HPS4: variants seen among roughly 807,000 people sequenced by gnomAD.
HPS4 encodes HPS4 biogenesis of lysosomal organelles complex 3 subunit 2, also known as BLOC-3 complex member HPS4.
Under a neutral mutation model 70.3 loss-of-function variants are expected in HPS4, and 44 were observed. That is an observed-to-expected ratio of 0.63 (90% CI 0.49 to 0.80). The LOEUF is 0.80. Ranked by LOEUF, HPS4 falls within the 30% of genes least tolerant of loss-of-function variation. HPS4 has a pLI of 0.00. For missense variants in HPS4, 873 were observed against 884.4 expected (o/e 0.99, Z 0.16); for synonymous variants, 377 against 355.9 (o/e 1.06, Z -0.67).
chr22:26,471,198 G>A (rs939913802), intron 6 of HPS4: 1 of 387,474 alleles, frequency 2.6e-6, no homozygotes, highest in Non-Finnish European at 5.0e-6. Flanking sequence ...ATGGTACCAG[G>A]TGAAACCCAC....
downstream of HPS4, among the ~76,000 whole-genome samples, chr22:26,449,738 A>G (rs896586339): frequency 6.6e-6 from 1 of 152,112 alleles, no homozygotes; most frequent in Non-Finnish European, 1.5e-5. Flanking sequence ...CTACTGAGAG[A>G]GAGGGAACTG....
downstream of HPS4, among the ~76,000 whole-genome samples, chr22:26,448,018 G>A (rs981064068): frequency 3.9e-5 from 6 of 152,178 alleles, no homozygotes; most frequent in South Asian, 2.1e-4. Context: ...GGCTCAGAGC[G>A]GGCAGCTGAC....
In HPS4 at chr22:26,458,534, A is replaced by C. The variant is rs1601833666; in HGVS notation, c.1757T>G (p.Leu586Arg). Residue 586 changes from leucine (L) to arginine (R), a missense_variant, in exon 12 of 14, where the codon CTG becomes CGG. Physicochemically the swap from Leu to Arg is moderately radical, Grantham distance 102 (BLOSUM62 -2). Coordinates refer to ENST00000398145, the MANE Select transcript of HPS4 (RefSeq NM_022081.6). Reference sequence around the variant, plus strand: ...CTCATCCCTGGGCAGCGTCTCTTTCAGGTGGACTTCCAGCCCATTCAGTGA... The same window carrying C: ...CTCATCCCTGGGCAGCGTCTCTTTCCGGTGGACTTCCAGCCCATTCAGTGA... Reference protein sequence around the residue: ...LASLNGLEVHLKETLPRDEAA... With the variant: ...LASLNGLEVHRKETLPRDEAA... 6.2e-7 allele frequency: 1 copy of C among 1,614,124 alleles called. No homozygotes were observed. The highest frequency in any genetic ancestry group is 1.1e-5 in the South Asian group (1 of 91,078).
intron 13 of HPS4, 153 bp from the exon 14 acceptor site, chr22:26,453,557 G>A: frequency 2.5e-6 from 2 of 803,466 alleles, no homozygotes; most frequent in Non-Finnish European, 2.1e-6. Context: ...TTCTTCAGCT[G>A]AGTTTCAGGC....
intron 3 of HPS4, among the ~76,000 whole-genome samples, chr22:26,445,232 G>A (rs1320137903): frequency 6.6e-6 from 1 of 152,168 alleles, no homozygotes; most frequent in Non-Finnish European, 1.5e-5. Context: ...TATTTGAGAG[G>A]CTGAGGTGGG....
chr22:26,447,460 G>C (rs2084991623), downstream of HPS4, among the ~76,000 whole-genome samples: 1 of 152,120 alleles, frequency 6.6e-6, no homozygotes, highest in Non-Finnish European at 1.5e-5. Flanking sequence ...GCCACCAAAA[G>C]TCCTAATCCA....
chr22:26,478,676 TAC>T (rs2090918032), intron 3 of HPS4, among the ~76,000 whole-genome samples: 1 of 152,090 alleles, frequency 6.6e-6, no homozygotes, highest in African/African-American at 2.4e-5. Context: ...TATGTTTGAA[TAC>T]AAACTTATTT....
chr22:26,446,491 C>T (rs541158231), downstream of HPS4, among the ~76,000 whole-genome samples: 1 of 152,318 alleles, frequency 6.6e-6, no homozygotes, highest in Admixed American at 6.5e-5. Flanking sequence ...ACACACCCCA[C>T]TCCCAAAGCA....
chr22:26,449,322 C>A (rs992159840), downstream of HPS4, among the ~76,000 whole-genome samples: 3 of 132,710 alleles, frequency 2.3e-5, no homozygotes, highest in African/African-American at 6.0e-5. Context: ...CACTCCCCTG[C>A]ATTTTTTTTT....
At position 26,452,546 on chromosome 22, in the gene HPS4, C is replaced by T; in HGVS notation, c.*687G>A. Reference sequence around the variant, plus strand: ...TTGTCACTGAATTCTCAGGGCTCAGCCCCCAGAGCTTTTATAAAGGGATCT... The same window carrying T: ...TTGTCACTGAATTCTCAGGGCTCAGTCCCCAGAGCTTTTATAAAGGGATCT... On this transcript the variant is annotated 3_prime_UTR_variant, in exon 14 of 14. Transcript: ENST00000398145. 2.9e-6 allele frequency: 1 copy of T among 339,038 alleles called. No homozygotes were observed. Among genetic ancestry groups the T allele is most frequent in the East Asian group, 7.8e-5 (1 of 12,760 alleles). The allele number at this position is 339,038 out of a possible 1,614,324, so 21.0% of individuals were successfully genotyped here. A position where few individuals can be genotyped will look rare whatever the true frequency, so the allele number is the denominator to read the frequency against.
chr22:26,481,866 C>G lies in HPS4; in HGVS notation c.-104G>C, dbSNP rs1196669813. 1.7e-6 allele frequency: 2 copies of G among 1,154,646 alleles called. No homozygotes were observed. The highest frequency in any genetic ancestry group is 2.6e-6 in the Non-Finnish European group (2 of 764,596). 71.5% of individuals were successfully genotyped at this position (1,154,646 alleles called of 1,614,324 possible). A position where few individuals can be genotyped will look rare whatever the true frequency, so the allele number is the denominator to read the frequency against. ...TCCTCTATCCCCCAATCCAGTGAAT[C>G]TGGACGTGGTAGGTTTCAGTGTTTT... On this transcript the variant is annotated 5_prime_UTR_variant, in exon 2 of 14. Transcript: ENST00000398145.
intron 4 of HPS4, chr22:26,475,790 C>T (rs1164520600): frequency 1.3e-5 from 2 of 152,080 alleles, no homozygotes; most frequent in African/African-American, 4.8e-5. Context: ...GCCTGTAATC[C>T]CAGCACTTTG....
Position 26,458,586 on chromosome 22 carries a change from G to A in HPS4, c.1714-9C>T. On this transcript the variant is annotated splice_polypyrimidine_tract_variant and intron_variant, in intron 11 of 13. Transcript: ENST00000398145. ...GCCAGGCTGCTGTGGTACTGCAAAG[G>A]GGGAGAGGGTCATGGGCTTGTAGGG... 1 of 1,613,932 alleles carries A rather than the reference G, an allele frequency of 6.2e-7. No individual in the cohort carries two copies. Among genetic ancestry groups the A allele is most frequent in the Non-Finnish European group, 8.5e-7 (1 of 1,179,892 alleles).
intron 6 of HPS4, chr22:26,471,263 G>A (rs2089758272): frequency 2.3e-6 from 1 of 426,626 alleles, no homozygotes; most frequent in Admixed American, 2.6e-5. Context: ...GATACAGGTG[G>A]CTTGATGTCT....
chr22:26,480,653 A>C (rs2091188764), intron 2 of HPS4, among the ~76,000 whole-genome samples: 1 of 152,012 alleles, frequency 6.6e-6, no homozygotes, highest in African/African-American at 2.4e-5. Flanking sequence ...ACAGTGGCTC[A>C]CACCTATAAT....
At chr22:26,445,630 T>G (rs1456385898) in intron 3 of HPS4, among the ~76,000 whole-genome samples, 3 of 152,210 alleles carry the variant, frequency 2.0e-5, no homozygotes, top group African/African-American at 7.2e-5. Context: ...TCCCTTAGCC[T>G]CTCATAGCCT....
chr22:26,473,337 T>C (rs1404759407), intron 4 of HPS4, among the ~76,000 whole-genome samples: 1 of 152,188 alleles, frequency 6.6e-6, no homozygotes, highest in Non-Finnish European at 1.5e-5. Flanking sequence ...TTACAAACAA[T>C]GGACAGGACT....
intron 9 of HPS4, 77 bp from the exon 10 acceptor site, chr22:26,465,628 G>C (rs1011249580): frequency 1.1e-5 from 13 of 1,188,068 alleles, no homozygotes; most frequent in Non-Finnish European, 1.6e-5. Context: ...GCACTGGCGT[G>C]ATGCATCCAA....
At chr22:26,453,559 G>A (rs563217135) in intron 13 of HPS4, 155 bp from the exon 14 acceptor site, 68 of 795,292 alleles carry the variant, frequency 8.6e-5, no homozygotes, top group Non-Finnish European at 1.2e-4. Context: ...CTTCAGCTGA[G>A]TTTCAGGCTT....
Sources: allele counts gnomAD v4.1 joint callset (sites outside exome capture counted in the v4.1 genomes callset), GRCh38; gene constraint gnomAD v4.1.1; transcripts MANE v1.5; gene names NCBI Gene and HGNC (gene_info 2026-07-23, HGNC 2026-07-21).